The following ANKHD1 variants were observed in gnomAD, a reference collection of about 807,000 sequenced individuals.
ANKHD1 encodes the protein ankyrin repeat and KH domain containing 1.
Under a neutral mutation model 230.5 loss-of-function variants are expected in ANKHD1, and 31 were observed. The ratio of observed to expected loss-of-function variants is 0.13; its 90% confidence interval spans 0.10 to 0.18. The LOEUF (loss-of-function observed/expected upper bound fraction) is 0.18, where lower values mean the gene tolerates loss of function less well. Among genes scored for constraint, ANKHD1 ranks in the 10% least tolerant of loss-of-function variants. The pLI is 1.00. For missense variants in ANKHD1, 2,256 were observed against 3,071.3 expected (o/e 0.73, Z 6.27); for synonymous variants, 1,074 against 1,117.6 (o/e 0.96, Z 0.78).
intron 9 of ANKHD1, among the ~76,000 whole-genome samples, chr5:140,463,801 A>G (rs1581288692): frequency 1.3e-5 from 2 of 151,992 alleles, no homozygotes; most frequent in South Asian, 2.1e-4. Context: ...GACTACAGGC[A>G]TGTGCCATCA....
intron 16 of ANKHD1, 47 bp from the exon 17 acceptor site, chr5:140,505,075 A>G: frequency 1.2e-6 from 2 of 1,604,178 alleles, no homozygotes; most frequent in Non-Finnish European, 1.7e-6. Context: ...TCTTAAATTG[A>G]TAACTTCTGT....
In ANKHD1 at chr5:140,529,655, G is replaced by A. The variant is rs1448289238; in HGVS notation, c.6709G>A (p.Val2237Ile). The A allele has an allele frequency of 6.2e-7, 1 of 1,614,108 alleles. No homozygotes were observed. The highest frequency in any genetic ancestry group is 1.3e-5 in the African/African-American group (1 of 74,932). The change falls in exon 29 of 34, where the codon GTT becomes ATT. Residue 2237 changes from valine (V) to isoleucine (I), a missense_variant. This residue lies in a region of ANKHD1 where 778 missense variants were observed against 966.5 expected (regional missense o/e 0.80). Transcript: ENST00000360839. ...GWGDGPLSSR[V>I]ATDASFTVQS... Reference sequence around the variant, plus strand: ...GGGAGATGGTCCACTGTCCTCACGAGTTGCTACAGATGCCTCTTTCACTGT... The same window carrying A: ...GGGAGATGGTCCACTGTCCTCACGAATTGCTACAGATGCCTCTTTCACTGT...
intron 7 of ANKHD1, among the ~76,000 whole-genome samples, chr5:140,458,164 T>G (rs1775358283): frequency 6.6e-6 from 1 of 152,222 alleles, no homozygotes; most frequent in Non-Finnish European, 1.5e-5. Context: ...TGTGTTATTT[T>G]TTGCCATGCC....
chr5:140,457,296 C>T (rs920943211), intron 7 of ANKHD1, among the ~76,000 whole-genome samples: 4 of 152,132 alleles, frequency 2.6e-5, no homozygotes, highest in Non-Finnish European at 5.9e-5. Flanking sequence ...GACAGTGTGG[C>T]GATTCCTCAA....
At chr5:140,447,182 C>T (rs1363536705) in intron 6 of ANKHD1, among the ~76,000 whole-genome samples, 2 of 152,202 alleles carry the variant, frequency 1.3e-5, no homozygotes, top group East Asian at 3.9e-4. Flanking sequence ...GGGTTACAGG[C>T]ATGAACCACC....
At chr5:140,427,949 A>G (rs1362110632) in intron 1 of ANKHD1, among the ~76,000 whole-genome samples, 1 of 147,362 alleles carries the variant, frequency 6.8e-6, no homozygotes, top group Admixed American at 6.7e-5. Context: ...GGGTCTCCTC[A>G]CTTCTCAGAC....
intron 31 of ANKHD1, 50 bp downstream of exon 31, chr5:140,537,639 G>A (rs763407604): frequency 1.4e-6 from 2 of 1,481,050 alleles, no homozygotes; most frequent in Middle Eastern, 1.8e-4. Flanking sequence ...GTAAGCTGTA[G>A]GTTTGCCATT....
At chr5:140,458,293 CTA>C (rs751329901) in intron 7 of ANKHD1, among the ~76,000 whole-genome samples, 1 of 152,198 alleles carries the variant, frequency 6.6e-6, no homozygotes, top group East Asian at 1.9e-4. Context: ...GTAGCATTGA[CTA>C]TAGATTTCAC....
chr5:140,478,508 A>G (rs942285810), intron 10 of ANKHD1, among the ~76,000 whole-genome samples: 1 of 152,154 alleles, frequency 6.6e-6, no homozygotes, highest in Non-Finnish European at 1.5e-5. Context: ...CTAGAAATAT[A>G]TAAATTATCA....
chr5:140,531,464 C>G (rs1326884812), intron 29 of ANKHD1: 1 of 203,582 alleles, frequency 4.9e-6, no homozygotes, highest in East Asian at 1.8e-4. Flanking sequence ...GTCTGTAGTC[C>G]CAGCTACTTG....
chr5:140,536,750 G>A (rs1754098116), intron 30 of ANKHD1, among the ~76,000 whole-genome samples: 2 of 152,278 alleles, frequency 1.3e-5, no homozygotes, highest in African/African-American at 2.4e-5. Context: ...GTGGCTGGGC[G>A]TGGTGGCTCA....
chr5:140,472,458 A>G, intron 10 of ANKHD1: 1 of 1,350,026 alleles, frequency 7.4e-7, no homozygotes, highest in Non-Finnish European at 9.5e-7. Flanking sequence ...CCCAATAAAA[A>G]GAGATTTGTA....
At position 140,526,418 on chromosome 5, in the gene ANKHD1, A is replaced by G. The variant is rs755632838; in HGVS notation, c.4915A>G (p.Thr1639Ala). The change falls in exon 26 of 34, where the codon ACT becomes GCT. Residue 1639 changes from threonine (T) to alanine (A), a missense_variant. Physicochemically the swap from Thr to Ala is moderately conservative, Grantham distance 58. Transcript: ENST00000360839. ...TCATTCCCAAGAAGAAAAGACAAGT[A>G]CTGCTACTTCCAAAACTCAGACACG... is the stretch of plus-strand genomic sequence containing the variant. ...LLHSQEEKTSTATSKTQTRLE... is the reference protein window; with the variant it reads ...LLHSQEEKTSAATSKTQTRLE... The G allele has an allele frequency of 4.3e-6, 7 of 1,611,028 alleles. No homozygotes were observed. The Admixed American group carries it at 1.0e-4, about 23-fold the overall frequency.
At chr5:140,474,225 A>C (rs1176061635) in intron 10 of ANKHD1, among the ~76,000 whole-genome samples, 1 of 152,218 alleles carries the variant, frequency 6.6e-6, no homozygotes, top group Non-Finnish European at 1.5e-5. Flanking sequence ...GAATCCAATC[A>C]GTAATAGTAG....
At chr5:140,471,954 T>C (rs1776526229) in intron 10 of ANKHD1, among the ~76,000 whole-genome samples, 1 of 152,206 alleles carries the variant, frequency 6.6e-6, no homozygotes, top group Non-Finnish European at 1.5e-5. Flanking sequence ...TGTGGCTTTG[T>C]TTTTTGAGAC....
chr5:140,402,287 A>T lies in ANKHD1; in HGVS notation c.306+14A>T, dbSNP rs377350721. ...GAAGTGTCCGAGGTAAGGCTCCGGG[A>T]CCCTCGCCTCCCACACATTGTGAGG... On this transcript the variant is annotated intron_variant, in intron 1 of 33. Coordinates refer to ENST00000360839, the MANE Select transcript of ANKHD1 (RefSeq NM_017747.3). The T allele has an allele frequency of 1.9e-5, 28 of 1,461,190 alleles. No homozygotes were observed. Among genetic ancestry groups the T allele is most frequent in the Non-Finnish European group, 2.5e-5 (28 of 1,113,416 alleles). 90.5% of individuals were successfully genotyped at this position (1,461,190 alleles called of 1,614,324 possible). A position where few individuals can be genotyped will look rare whatever the true frequency, so the allele number is the denominator to read the frequency against.
intron 7 of ANKHD1, among the ~76,000 whole-genome samples, chr5:140,457,057 A>T (rs1256718741): frequency 6.6e-6 from 1 of 152,214 alleles, no homozygotes; most frequent in Non-Finnish European, 1.5e-5. Flanking sequence ...ATGAACAGAC[A>T]CTTCTCAAAA....
intron 11 of ANKHD1, 107 bp downstream of exon 11, chr5:140,482,774 TG>T: frequency 8.5e-7 from 1 of 1,170,922 alleles, no homozygotes; most frequent in African/African-American, 1.6e-5. Context: ...AGTAAAGTAT[TG>T]TATTCTTGCC....
chr5:140,538,788 G>C, intron 32 of ANKHD1, 131 bp from the exon 33 acceptor site: 1 of 1,126,142 alleles, frequency 8.9e-7, no homozygotes, highest in South Asian at 3.5e-5. Flanking sequence ...CTGCCATACT[G>C]TACTTATAGG....
Sources: allele counts gnomAD v4.1 joint callset (sites outside exome capture counted in the v4.1 genomes callset), GRCh38; gene constraint gnomAD v4.1.1; regional missense constraint gnomAD v4.1.1; transcripts MANE v1.5; gene names NCBI Gene and HGNC (gene_info 2026-07-23, HGNC 2026-07-21).